The following TASP1 variants were observed in gnomAD, a reference collection of about 807,000 sequenced individuals.
TASP1 encodes threonine aspartase 1.
Under a neutral mutation model 56.6 loss-of-function variants are expected in TASP1, and 16 were observed. The ratio of observed to expected loss-of-function variants is 0.28; its 90% CI spans 0.19 to 0.43. The LOEUF (loss-of-function observed/expected upper bound fraction) is 0.43, where lower values mean the gene tolerates loss of function less well. TASP1 is among the 20% of genes least tolerant of loss of function. TASP1 has a pLI of 1.00. For synonymous variants in TASP1, 179 were observed against 184.2 expected (o/e 0.97, Z 0.23); for missense variants, 393 against 511.6 (o/e 0.77, Z 2.24).
chr20:13,371,179 T>C, the TASP1 span, among the ~76,000 whole-genome samples: 2 of 152,284 alleles, frequency 1.3e-5, no homozygotes, highest in South Asian at 4.1e-4. Context: ...CCCTCTCTAA[T>C]CCTTATTATT....
chr20:13,579,597 C>T (rs1410148847), intron 6 of TASP1, among the ~76,000 whole-genome samples: 2 of 152,008 alleles, frequency 1.3e-5, no homozygotes, highest in African/African-American at 4.8e-5. Flanking sequence ...GTGATCTGCC[C>T]GCCTCAGCCT....
the TASP1 span, among the ~76,000 whole-genome samples, chr20:13,243,426 AC>A: frequency 6.6e-6 from 1 of 152,176 alleles, no homozygotes; most frequent in African/African-American, 2.4e-5. Flanking sequence ...CCAGCTTGGC[AC>A]AAAGACACGT....
At chr20:13,225,054 C>T in the TASP1 span, among the ~76,000 whole-genome samples, 482 of 151,014 alleles carry the variant, frequency 3.2e-3, 3 homozygotes, top group Non-Finnish European at 4.1e-3. Flanking sequence ...GGGGTTTCAC[C>T]GTGTTAGCCA....
At chr20:13,559,356 C>G (rs1232236282) in intron 7 of TASP1, among the ~76,000 whole-genome samples, 3 of 152,066 alleles carry the variant, frequency 2.0e-5, no homozygotes, top group African/African-American at 7.2e-5. Flanking sequence ...GCAGATACTA[C>G]CCTCAGGGCA....
chr20:13,545,568 A>G (rs1280428961), intron 8 of TASP1, among the ~76,000 whole-genome samples: 1 of 152,198 alleles, frequency 6.6e-6, no homozygotes, highest in Non-Finnish European at 1.5e-5. Context: ...TTATCAACTG[A>G]CATTCCCCCA....
intron 10 of TASP1, among the ~76,000 whole-genome samples, chr20:13,500,078 A>C (rs549699148): frequency 3.3e-5 from 5 of 151,628 alleles, no homozygotes; most frequent in Non-Finnish European, 5.9e-5. Flanking sequence ...AAACCTCACT[A>C]TTATGTGACA....
the TASP1 span, among the ~76,000 whole-genome samples, chr20:13,114,530 A>T: frequency 6.6e-6 from 1 of 152,210 alleles, no homozygotes; most frequent in Admixed American, 6.5e-5. Context: ...ATATATAAAC[A>T]TATGCACATA....
the TASP1 span, among the ~76,000 whole-genome samples, chr20:13,178,109 C>A: frequency 0.26 from 38,999 of 151,934 alleles, 5,319 homozygotes; most frequent in South Asian, 0.46. Context: ...GCAGACATTT[C>A]TCAAAAGACA....
At chr20:13,277,424 G>A in the TASP1 span, among the ~76,000 whole-genome samples, 1 of 94,322 alleles carries the variant, frequency 1.1e-5, no homozygotes, top group Non-Finnish European at 2.3e-5. Context: ...CCTCAGATGG[G>A]GCTGCAGAGA....
the TASP1 span, among the ~76,000 whole-genome samples, chr20:13,143,320 T>C: frequency 6.6e-6 from 1 of 152,192 alleles, no homozygotes; most frequent in Non-Finnish European, 1.5e-5. Flanking sequence ...TTGTGAACCA[T>C]AGAATTTTTC....
chr20:13,545,383 A>C (rs532357178), intron 8 of TASP1, among the ~76,000 whole-genome samples: 2 of 152,344 alleles, frequency 1.3e-5, no homozygotes, highest in East Asian at 3.9e-4. Context: ...GCCTGTGTTT[A>C]GTTCAAATAG....
the TASP1 span, among the ~76,000 whole-genome samples, chr20:13,108,048 A>G: frequency 6.6e-6 from 1 of 152,046 alleles, no homozygotes; most frequent in Non-Finnish European, 1.5e-5. Context: ...TATTCATGTC[A>G]CATGCTTTTT....
intron 6 of TASP1, among the ~76,000 whole-genome samples, chr20:13,578,201 T>C (rs1269286102): frequency 2.6e-5 from 4 of 152,154 alleles, no homozygotes; most frequent in Non-Finnish European, 5.9e-5. Context: ...AGTGAAAATA[T>C]CATCTTTTTT....
intron 11 of TASP1, among the ~76,000 whole-genome samples, chr20:13,480,587 T>A (rs1413861753): frequency 6.6e-6 from 1 of 152,152 alleles, no homozygotes; most frequent in African/African-American, 2.4e-5. Context: ...ATACTGCAGA[T>A]CAACTCCGTG....
chr20:13,413,759 G>A (rs528054321), intron 13 of TASP1, among the ~76,000 whole-genome samples: 14 of 152,120 alleles, frequency 9.2e-5, no homozygotes, highest in Non-Finnish European at 1.3e-4. Flanking sequence ...TTACACAATC[G>A]TTCCGGGAAG....
At chr20:13,154,072 T>G in the TASP1 span, 1 of 1,614,168 alleles carries the variant, frequency 6.2e-7, no homozygotes, top group Non-Finnish European at 8.5e-7. Context: ...GAAATGGGAT[T>G]CATTATCTAT....
chr20:13,203,427 G>A, the TASP1 span, among the ~76,000 whole-genome samples: 1 of 152,156 alleles, frequency 6.6e-6, no homozygotes, highest in Non-Finnish European at 1.5e-5. Flanking sequence ...TATTTCACAT[G>A]CAAACACTCA....
chr20:13,558,655 T>C (rs1008301608), intron 8 of TASP1, among the ~76,000 whole-genome samples: 2 of 152,120 alleles, frequency 1.3e-5, no homozygotes, highest in African/African-American at 4.8e-5. Flanking sequence ...TTTAGTGTTA[T>C]AATTGAGATG....
intron 13 of TASP1, among the ~76,000 whole-genome samples, chr20:13,409,835 A>T (rs1319546807): frequency 1.3e-5 from 2 of 152,112 alleles, no homozygotes; most frequent in Non-Finnish European, 2.9e-5. Flanking sequence ...TATTGGGAAA[A>T]TTTCAAGTTC....
Sources: allele counts gnomAD v4.1 joint callset (sites outside exome capture counted in the v4.1 genomes callset), GRCh38; gene constraint gnomAD v4.1.1; transcripts MANE v1.5; gene names NCBI Gene and HGNC (gene_info 2026-07-23, HGNC 2026-07-21).